Variants in DAZAP1 observed in about 807,000 individuals in gnomAD.
DAZAP1 encodes the protein DAZ associated protein 1.
DAZAP1 carries 6 observed loss-of-function variants against 60.1 expected under a neutral mutation model. The ratio of observed to expected loss-of-function variants is 0.10; its 90% CI spans 0.05 to 0.20. The LOEUF (loss-of-function observed/expected upper bound fraction) is 0.20. Ranked by LOEUF, DAZAP1 falls within the 10% of genes least tolerant of loss-of-function variation. The pLI, the probability that DAZAP1 is intolerant of heterozygous loss-of-function variation, is 1.00. For missense variants in DAZAP1, 366 were observed against 560.4 expected, an observed-to-expected ratio of 0.65 and a Z score of 3.50; for synonymous variants, 235 against 215.9, an observed-to-expected ratio of 1.09 and a Z score of -0.78.
chr19:1,414,220 G>T (rs1457136391), intron 1 of DAZAP1, among the ~76,000 whole-genome samples: 1 of 151,878 alleles, frequency 6.6e-6, no homozygotes, highest in African/African-American at 2.4e-5. Context: ...GTTTTGCCAT[G>T]TTGGCCAGGC....
chr19:1,431,719 A>G (rs959212471), intron 10 of DAZAP1, among the ~76,000 whole-genome samples: 6 of 152,206 alleles, frequency 3.9e-5, no homozygotes, highest in African/African-American at 1.4e-4. Flanking sequence ...ACCCTCCAGT[A>G]GAGAAGAAGG....
Position 1,428,925 on chromosome 19 carries a change from T to A in DAZAP1, c.630T>A (p.Val210=). The A allele has an allele frequency of 6.2e-7, 1 of 1,612,718 alleles. No individual in the cohort carries two copies. Among genetic ancestry groups the A allele is most frequent in the Non-Finnish European group, 8.5e-7 (1 of 1,179,772 alleles). The change falls in exon 8 of 12, where the codon GTT becomes GTA. Residue 210 remains valine (V), a synonymous_variant. Transcript: ENST00000233078. This position sits in a 1 kb window ranked among gnomAD's most constrained non-coding sequence, Gnocchi z 4.0. ...QPGASQWGSR[V]VPNAANGWAG... The stretch of plus-strand genomic sequence containing the variant: ...GTGCCAGCCAGTGGGGGAGCCGGGT[T>A]GTGCCCAACGCTGCCAATGGCTGGG...
intron 1 of DAZAP1, among the ~76,000 whole-genome samples, chr19:1,408,679 C>A (rs564854309): frequency 2.7e-4 from 41 of 152,228 alleles, no homozygotes; most frequent in Non-Finnish European, 5.6e-4. Flanking sequence ...AGAGTCAGCG[C>A]TTCCGAGGCG....
chr19:1,418,818 C>T lies in DAZAP1; in HGVS notation c.303+87C>T, dbSNP rs1003519115. ...GTGCCTTCAATCTGCTGTTGTCGCT[C>T]GTTAAGATTGAGGGCGACGCAGGTC... On this transcript the variant is annotated intron_variant, in intron 4 of 11. Transcript: ENST00000233078. The surrounding 1 kb of genome is among the most constrained non-coding windows in gnomAD (Gnocchi z 5.7). 4.4e-5 allele frequency: 61 copies of T among 1,396,154 alleles called. No homozygotes were observed. Among genetic ancestry groups the T allele is most frequent in the East Asian group, 3.8e-4 (16 of 42,592 alleles). 86.5% of individuals were successfully genotyped at this position (1,396,154 alleles called of 1,614,324 possible).
Position 1,432,907 on chromosome 19 carries a change from C to T in DAZAP1, c.1048+217C>T, listed in dbSNP as rs1209931975. 5.3e-6 allele frequency: 3 copies of T among 571,152 alleles called. No individual in the cohort carries two copies. The Admixed American group carries it at 9.8e-5, about 19-fold the overall frequency. The allele number at this position is 571,152 out of a possible 1,614,324, so 35.4% of individuals were successfully genotyped here. On this transcript the variant is annotated intron_variant, in intron 11 of 11. Transcript: ENST00000233078. The surrounding 1 kb of genome is among the most constrained non-coding windows in gnomAD (Gnocchi z 4.9). ...GGGAGTCTTGTCGCAGCAGAGCACTCGTCATACAGCAGGTGCTGCAGGGCC... is the reference window on the plus strand; with the variant it reads ...GGGAGTCTTGTCGCAGCAGAGCACTTGTCATACAGCAGGTGCTGCAGGGCC...
chr19:1,408,363 C>T (rs1420260874), intron 1 of DAZAP1, among the ~76,000 whole-genome samples: 1 of 152,178 alleles, frequency 6.6e-6, no homozygotes, highest in African/African-American at 2.4e-5. Flanking sequence ...GCCGCCGCCT[C>T]CCGGCTTCCT....
Position 1,433,400 on chromosome 19 carries a change from T to C in DAZAP1, c.1048+710T>C. On this transcript the variant is annotated intron_variant, in intron 11 of 11. Coordinates refer to ENST00000233078, the MANE Select transcript of DAZAP1 (RefSeq NM_018959.4). This position sits in a 1 kb window ranked among gnomAD's most constrained non-coding sequence, Gnocchi z 6.1. ...CACCAGGGGTCATTCACAAGCAGGG[T>C]TTGAGAACATGGGGCACCTGTCTGC... 1 of 333,772 alleles carries C rather than the reference T, an allele frequency of 3.0e-6. No individual in the cohort carries two copies. The highest frequency in any genetic ancestry group is 5.7e-6 in the Non-Finnish European group (1 of 175,534). The allele number at this position is 333,772 out of a possible 1,614,324, so 20.7% of individuals were successfully genotyped here.
In DAZAP1 at chr19:1,433,887, G is replaced by A; in HGVS notation, c.1049-850G>A. 6 of 1,490,516 alleles carry A rather than the reference G, an allele frequency of 4.0e-6. No homozygotes were observed. In the South Asian group the frequency reaches 5.7e-5, roughly 14 times the overall value. 92.3% of individuals were successfully genotyped at this position (1,490,516 alleles called of 1,614,324 possible). A position where few individuals can be genotyped will look rare whatever the true frequency, so the allele number is the denominator to read the frequency against. Reference sequence around the variant, plus strand: ...CCGCCTGCACCGGGAGGTGGACGTGGCTTCCTCTGCCGTCCCGGGCGGGGG... The same window carrying A: ...CCGCCTGCACCGGGAGGTGGACGTGACTTCCTCTGCCGTCCCGGGCGGGGG... On this transcript the variant is annotated intron_variant, in intron 11 of 11. Coordinates refer to ENST00000233078, the MANE Select transcript of DAZAP1 (RefSeq NM_018959.4). The surrounding 1 kb of genome is among the most constrained non-coding windows in gnomAD (Gnocchi z 6.1).
In DAZAP1 at chr19:1,430,253, A is replaced by G; in HGVS notation, c.762A>G (p.Gly254=). ...ATGGACCGCCCCCTGCAGGAAGAGG[A>G]GCCCCCCCGCCACCCCCACCGTTCA... ...GGYGPPPAGR[G]APPPPPPFTS... Residue 254 remains glycine, a synonymous_variant, in exon 10 of 12, where the codon GGA becomes GGG. Transcript: ENST00000233078. 19 of 1,353,036 alleles carry G rather than the reference A, an allele frequency of 1.4e-5. No individual in the cohort carries two copies. Among genetic ancestry groups the G allele is most frequent in the Admixed American group, 2.0e-5 (1 of 49,278 alleles). 83.8% of individuals were successfully genotyped at this position (1,353,036 alleles called of 1,614,324 possible).
At position 1,434,617 on chromosome 19, in the gene DAZAP1, C is replaced by T; in HGVS notation, c.1049-120C>T. ...GCTGGCCTCAGAAGGGCCCCACCCG[C>T]ACCCCGTGGGACCCGTGGACTCAAG... On this transcript the variant is annotated intron_variant, in intron 11 of 11. Coordinates refer to ENST00000233078, the MANE Select transcript of DAZAP1 (RefSeq NM_018959.4). This position sits in a 1 kb window ranked among gnomAD's most constrained non-coding sequence, Gnocchi z 8.0. The T allele has an allele frequency of 9.5e-7, 1 of 1,051,960 alleles. No homozygotes were observed. The highest frequency in any genetic ancestry group is 1.6e-5 in the African/African-American group (1 of 61,330). 65.2% of individuals were successfully genotyped at this position (1,051,960 alleles called of 1,614,324 possible).
At position 1,433,551 on chromosome 19, in the gene DAZAP1, G is replaced by A. The variant is rs919532021; in HGVS notation, c.1048+861G>A. 3 of 579,492 alleles carry A rather than the reference G, an allele frequency of 5.2e-6. No individual in the cohort carries two copies. Among genetic ancestry groups the A allele is most frequent in the Admixed American group, 6.0e-5 (2 of 33,276 alleles). 35.9% of individuals were successfully genotyped at this position (579,492 alleles called of 1,614,324 possible). On this transcript the variant is annotated intron_variant, in intron 11 of 11. Transcript: ENST00000233078. The surrounding 1 kb of genome is among the most constrained non-coding windows in gnomAD (Gnocchi z 6.1). Reference sequence around the variant, plus strand: ...CACCTCGCATGGCTGTGGTTCCCCTGCCCCCACGCCCAGGCCTTGGGCCGA... The same window carrying A: ...CACCTCGCATGGCTGTGGTTCCCCTACCCCCACGCCCAGGCCTTGGGCCGA...
rs377589620 is a variant in DAZAP1 at position 1,432,646 on chromosome 19, G to A, written c.1004G>A (p.Ser335Asn). The A allele has an allele frequency of 5.0e-6, 8 of 1,612,842 alleles. No homozygotes were observed. Among genetic ancestry groups the A allele is most frequent in the African/African-American group, 1.3e-5 (1 of 74,920 alleles). ...PPPSQAAPDM[S>N]KPPTAQPDFP... ...CCGTCTCAGGCTGCCCCGGACATGAGCAAGCCCCCGACAGCTCAGCCAGAC... is the reference window on the plus strand; with the variant it reads ...CCGTCTCAGGCTGCCCCGGACATGAACAAGCCCCCGACAGCTCAGCCAGAC... The change falls in exon 11 of 12, where the codon AGC becomes AAC. Residue 335 changes from serine (S) to asparagine (N), a missense_variant. Physicochemically the swap from Ser to Asn is conservative, Grantham distance 46. Around this residue, in one of 3 missense-constraint regions of DAZAP1, gnomAD observed 240 missense variants for 308.8 expected, o/e 0.78. Coordinates refer to ENST00000233078, the MANE Select transcript of DAZAP1 (RefSeq NM_018959.4). The surrounding 1 kb of genome is among the most constrained non-coding windows in gnomAD (Gnocchi z 4.9).
rs2083474131 is a variant in DAZAP1, at chr19:1,432,371, G to A, written c.872-143G>A. 2.4e-6 allele frequency: 2 copies of A among 828,346 alleles called. No individual in the cohort carries two copies. The highest frequency in any genetic ancestry group is 2.0e-6 in the Non-Finnish European group (1 of 497,592). The allele number at this position is 828,346 out of a possible 1,614,324, so 51.3% of individuals were successfully genotyped here. A position where few individuals can be genotyped will look rare whatever the true frequency, so the allele number is the denominator to read the frequency against. On this transcript the variant is annotated intron_variant, in intron 10 of 11. Transcript: ENST00000233078. This position sits in a 1 kb window ranked among gnomAD's most constrained non-coding sequence, Gnocchi z 4.9. ...CCGTGGCTCTGTGGTCCATTCTGTG[G>A]ATGTCCACAAGGCCTGGGCGTTCTG...
In DAZAP1 at chr19:1,423,939, G is replaced by A. The variant is rs2083232799; in HGVS notation, c.463+1543G>A. On this transcript the variant is annotated intron_variant, in intron 6 of 11. Transcript: ENST00000233078. This position sits in a 1 kb window ranked among gnomAD's most constrained non-coding sequence, Gnocchi z 6.8. ...CGTGGCCACATGTCCTTAGCTGTTG[G>A]GCTTTGAAAGTGTCCCTTGGGTGTC... 6.6e-6 allele frequency among the ~76,000 whole-genome samples: 1 copy of A among 152,240 alleles called. No homozygotes were observed. Among genetic ancestry groups the A allele is most frequent in the East Asian group, 1.9e-4 (1 of 5,202 alleles).
intron 4 of DAZAP1, 121 bp from the exon 5 acceptor site, chr19:1,421,027 T>A: frequency 1.2e-6 from 1 of 808,524 alleles, no homozygotes; most frequent in African/African-American, 1.7e-5. Context: ...TGTGGAGTGT[T>A]CTGCTCTGGC....
At chr19:1,419,030 C>T (rs1441272346) in intron 4 of DAZAP1, among the ~76,000 whole-genome samples, 1 of 152,102 alleles carries the variant, frequency 6.6e-6, no homozygotes, top group Non-Finnish European at 1.5e-5. Context: ...GGCCTGCCCC[C>T]TCCCACTGCC....
At position 1,433,859 on chromosome 19, in the gene DAZAP1, C is replaced by CGGTGCAGGCGGGTGGGAGG; in HGVS notation, c.1049-878_1049-877insGGTGCAGGCGGGTGGGAGG. 6.3e-7 allele frequency: 1 copy of CGGTGCAGGCGGGTGGGAGG among 1,586,334 alleles called. No homozygotes were observed. Among genetic ancestry groups the CGGTGCAGGCGGGTGGGAGG allele is most frequent in the Non-Finnish European group, 8.7e-7 (1 of 1,155,938 alleles). On this transcript the variant is annotated intron_variant, in intron 11 of 11. Coordinates refer to ENST00000233078, the MANE Select transcript of DAZAP1 (RefSeq NM_018959.4). The surrounding 1 kb of genome is among the most constrained non-coding windows in gnomAD (Gnocchi z 6.1). ...GCCGCCTCCTTCTCCAGGGTCCTCC[C>CGGTGCAGGCGGGTGGGAGG]ACCCGCCTGCACCGGGAGGTGGACG...
Position 1,429,983 on chromosome 19 carries a change from A to G in DAZAP1, c.717A>G (p.Ala239=). The G allele has an allele frequency of 6.4e-7, 1 of 1,571,938 alleles. No homozygotes were observed. The highest frequency in any genetic ancestry group is 8.6e-7 in the Non-Finnish European group (1 of 1,157,492). Residue 239 remains alanine (A), a synonymous_variant, in exon 9 of 12, where the codon GCA becomes GCG. Transcript: ENST00000233078. ...CTTATCTAGGAATGTGGGTGCCGGC[A>G]GGACAGGCGATTGGTAAGTCCTTGT... ...GYGPQGMWVP[A]GQAIGGYGPP...
At chr19:1,413,425 A>G (rs1194832089) in intron 1 of DAZAP1, among the ~76,000 whole-genome samples, 3 of 152,170 alleles carry the variant, frequency 2.0e-5, no homozygotes, top group African/African-American at 7.2e-5. Context: ...TATTTTATTG[A>G]TTAAAACATC....
Sources: allele counts gnomAD v4.1 joint callset (sites outside exome capture counted in the v4.1 genomes callset), GRCh38; gene constraint gnomAD v4.1.1; regional missense constraint gnomAD v4.1.1; non-coding constraint Gnocchi (gnomAD v3.1); transcripts MANE v1.5; gene names NCBI Gene and HGNC (gene_info 2026-07-23, HGNC 2026-07-21).